The following SCN11A variants were observed in gnomAD, a reference collection of about 807,000 sequenced individuals.
SCN11A encodes sodium channel protein type 11 subunit alpha.
Under a neutral mutation model 162.2 loss-of-function variants are expected in SCN11A, and 122 were observed. The ratio of observed to expected loss-of-function variants is 0.75; its 90% CI spans 0.65 to 0.87. SCN11A has a LOEUF of 0.87. SCN11A is among the 40% of genes least tolerant of loss of function. SCN11A has a pLI of 0.00. For synonymous variants in SCN11A, 758 were observed against 751.5 expected (o/e 1.01, Z -0.14); for missense variants, 2,015 against 2,181.6 (o/e 0.92, Z 1.52).
intron 1 of SCN11A, among the ~76,000 whole-genome samples, chr3:39,050,909 C>T (rs914422673): frequency 3.3e-5 from 5 of 152,166 alleles, no homozygotes; most frequent in African/African-American, 1.2e-4. Flanking sequence ...GCAGATACAT[C>T]ATATGCTATA....
intron 23 of SCN11A, among the ~76,000 whole-genome samples, chr3:38,879,702 T>A (rs2065276074): frequency 1.3e-5 from 2 of 152,158 alleles, no homozygotes; most frequent in African/African-American, 4.8e-5. Context: ...AGTGAATGAA[T>A]CCCATCATGG....
At position 38,847,491 on chromosome 3, in the gene SCN11A, C is replaced by T; in HGVS notation, c.4579G>A (p.Gly1527Arg). Residue 1527 changes from glycine (G) to arginine (R), a missense_variant, in exon 30 of 30, where the codon GGA becomes AGA. Physicochemically the swap from Gly to Arg is moderately radical, Grantham distance 125. Transcript: ENST00000302328. ...TTGAAGTTGAATATGTCATCGATTC[C>T]AGACTCTGGATTCACTTTGGAAAAC... ...NWFSKVNPESGIDDIFNFKTF... is the reference protein window; with the variant it reads ...NWFSKVNPESRIDDIFNFKTF... 6.2e-7 allele frequency: 1 copy of T among 1,614,172 alleles called. No individual in the cohort carries two copies. The highest frequency in any genetic ancestry group is 8.5e-7 in the Non-Finnish European group (1 of 1,180,024).
intron 23 of SCN11A, among the ~76,000 whole-genome samples, chr3:38,879,680 C>T (rs997893643): frequency 6.6e-6 from 1 of 152,056 alleles, no homozygotes; most frequent in South Asian, 2.1e-4. Flanking sequence ...ATAAACAGTG[C>T]TTATGGAGAG....
intron 1 of SCN11A, among the ~76,000 whole-genome samples, chr3:39,037,482 T>C (rs906119476): frequency 1.3e-5 from 2 of 152,156 alleles, no homozygotes; most frequent in African/African-American, 4.8e-5. Context: ...GGGAGTACAA[T>C]TGGAATGTTT....
intron 16 of SCN11A, among the ~76,000 whole-genome samples, chr3:38,901,894 C>T (rs1211452123): frequency 1.3e-5 from 2 of 152,186 alleles, no homozygotes; most frequent in African/African-American, 2.4e-5. Flanking sequence ...CCCTGTGGCC[C>T]TGTGGCTCCT....
At chr3:38,909,524 G>A (rs1334667775) in intron 12 of SCN11A, among the ~76,000 whole-genome samples, 5 of 152,020 alleles carry the variant, frequency 3.3e-5, no homozygotes, top group African/African-American at 7.2e-5. Flanking sequence ...TTTCTAGGAA[G>A]AGGAGGGGTT....
intron 18 of SCN11A, among the ~76,000 whole-genome samples, chr3:38,896,489 A>G (rs1334961846): frequency 1.3e-5 from 2 of 152,232 alleles, no homozygotes; most frequent in Admixed American, 1.3e-4. Context: ...TCTTAAGAAC[A>G]AAAGATTGTT....
intron 7 of SCN11A, among the ~76,000 whole-genome samples, chr3:38,933,319 C>T (rs957387960): frequency 4.6e-5 from 7 of 152,222 alleles, no homozygotes; most frequent in African/African-American, 1.7e-4. Context: ...CAGAGCACCT[C>T]TCCTCCTCCA....
intron 7 of SCN11A, among the ~76,000 whole-genome samples, chr3:38,929,542 CTTTTA>C (rs1055029072): frequency 4.6e-5 from 7 of 152,174 alleles, no homozygotes; most frequent in African/African-American, 7.2e-5. Context: ...AAGACGGTAT[CTTTTA>C]TGTTATGTGT....
intron 7 of SCN11A, among the ~76,000 whole-genome samples, chr3:38,927,247 G>A (rs1304361980): frequency 1.3e-5 from 2 of 152,128 alleles, no homozygotes; most frequent in Non-Finnish European, 2.9e-5. Flanking sequence ...CACCATTCTA[G>A]AGCTGTCACT....
At chr3:38,965,830 G>A (rs7642436) in intron 2 of SCN11A, among the ~76,000 whole-genome samples, 16,526 of 151,946 alleles carry the variant, frequency 0.11, 982 homozygotes, top group Middle Eastern at 0.16. Flanking sequence ...AAAGGAAGCC[G>A]AGGCCTGGGT....
At chr3:38,993,589 A>G (rs906480549) in intron 2 of SCN11A, among the ~76,000 whole-genome samples, 3 of 152,214 alleles carry the variant, frequency 2.0e-5, no homozygotes, top group African/African-American at 7.2e-5. Flanking sequence ...ATTTCATAAA[A>G]CTACAGGGAG....
rs371044382 is a variant in SCN11A, at chr3:38,887,493, G to A, written c.2836-1255C>T. ...GGAGATATACCTAATGCTAAATGACGAGTTAATGCGTGCAGCACACCAACA... is the reference window on the plus strand; with the variant it reads ...GGAGATATACCTAATGCTAAATGACAAGTTAATGCGTGCAGCACACCAACA... On this transcript the variant is annotated intron_variant, in intron 19 of 29. Transcript: ENST00000302328. Among the ~76,000 whole-genome samples, 28 of 149,760 alleles carry A rather than the reference G, an allele frequency of 1.9e-4. No homozygotes were observed. In the East Asian group the frequency reaches 4.8e-3, roughly 26 times the overall value.
Position 38,882,302 on chromosome 3 carries a change from T to G in SCN11A, c.3219+931A>C, listed in dbSNP as rs113438152. Among the ~76,000 whole-genome samples, 637 of 152,284 alleles carry G rather than the reference T, an allele frequency of 4.2e-3. 1 individual carries two copies. Among genetic ancestry groups the G allele is most frequent in the Non-Finnish European group, 7.5e-3 (507 of 68,010 alleles). On this transcript the variant is annotated intron_variant, in intron 22 of 29. Transcript: ENST00000302328. ...GCTATGGGGTGTAGGAGCAAGACAT[T>G]TCCTTGTCTTTTTCCACTTGCTAGT...
chr3:38,881,464 G>A (rs979528807), intron 22 of SCN11A, among the ~76,000 whole-genome samples: 3 of 152,180 alleles, frequency 2.0e-5, no homozygotes, highest in South Asian at 4.1e-4. Context: ...ATCTGAGTTA[G>A]CTCAATGGAT....
At chr3:38,999,711 T>C (rs2030750230) in intron 2 of SCN11A, among the ~76,000 whole-genome samples, 2 of 152,164 alleles carry the variant, frequency 1.3e-5, no homozygotes, top group African/African-American at 2.4e-5. Context: ...ACAATAATAG[T>C]GGGTGGGAGT....
rs541218103 is a variant in SCN11A at position 39,032,380 on chromosome 3, C to T, written c.-280G>A. On this transcript the variant is annotated splice_region_variant and 5_prime_UTR_variant, in exon 2 of 30. Transcript: ENST00000302328. ...AAACAAAAAATATGAAAACACTCACCGCTCCCCTCTGGTAAACAAGATGCC... is the reference window on the plus strand; with the variant it reads ...AAACAAAAAATATGAAAACACTCACTGCTCCCCTCTGGTAAACAAGATGCC... 5.3e-5 allele frequency among the ~76,000 whole-genome samples: 8 copies of T among 152,022 alleles called. No homozygotes were observed. In the South Asian group the frequency reaches 1.2e-3, roughly 24 times the overall value.
chr3:38,924,852 C>T (rs1262655472), intron 9 of SCN11A, among the ~76,000 whole-genome samples: 1 of 152,042 alleles, frequency 6.6e-6, no homozygotes, highest in East Asian at 1.9e-4. Context: ...GCCTCTCACC[C>T]TCTCCTTTCC....
Position 38,910,161 on chromosome 3 carries a change from C to T in SCN11A, c.1006G>A (p.Asp336Asn), listed in dbSNP as rs2065866413. The T allele has an allele frequency of 6.2e-7, 1 of 1,613,552 alleles. No individual in the cohort carries two copies. Among genetic ancestry groups the T allele is most frequent in the East Asian group, 2.2e-5 (1 of 44,850 alleles). ...YECKHTKINP[D>N]YNYTNFDNFG... Reference sequence around the variant, plus strand: ...TTGTCAAAATTCGTATAATTATAGTCAGGATTAATTTTGGTGTGCTTACAT... The same window carrying T: ...TTGTCAAAATTCGTATAATTATAGTTAGGATTAATTTTGGTGTGCTTACAT... The change falls in exon 12 of 30, where the codon GAC becomes AAC. Residue 336 changes from aspartate to asparagine, a missense_variant. Physicochemically the swap from Asp to Asn is conservative, Grantham distance 23. Coordinates refer to ENST00000302328, the MANE Select transcript of SCN11A (RefSeq NM_001349253.2).
Sources: gnomAD v4.1 joint callset for allele counts (sites outside exome capture counted in the v4.1 genomes callset) on GRCh38, gnomAD v4.1.1 for gene constraint, MANE v1.5 for transcripts, NCBI Gene and HGNC (gene_info 2026-07-23, HGNC 2026-07-21) for gene names.